TSHZ3: variants seen among roughly 807,000 people sequenced by gnomAD.
TSHZ3 encodes teashirt homolog 3.
A neutral mutation model predicts 64.5 loss-of-function variants in TSHZ3; 10 were observed. The ratio of observed to expected loss-of-function variants is 0.16; its 90% CI spans 0.10 to 0.26. The LOEUF is 0.26. Ranked by LOEUF, TSHZ3 falls within the 10% of genes least tolerant of loss-of-function variation. The pLI is 1.00. For missense variants in TSHZ3, 1,242 were observed against 1,421.7 expected, an observed-to-expected ratio of 0.87 and a Z score of 2.03; for synonymous variants, 608 against 593.1, an observed-to-expected ratio of 1.03 and a Z score of -0.36.
At chr19:31,243,183 T>C (rs1252789434) in intron 1 of TSHZ3, among the ~76,000 whole-genome samples, 1 of 152,238 alleles carries the variant, frequency 6.6e-6, no homozygotes, top group East Asian at 1.9e-4. Context: ...CTATAACTAC[T>C]GACTGTTTAT....
At chr19:31,281,370 C>T (rs1464486709) in intron 1 of TSHZ3, among the ~76,000 whole-genome samples, 1 of 152,126 alleles carries the variant, frequency 6.6e-6, no homozygotes. Context: ...ATTCCTAAGC[C>T]AAGACACATG....
At chr19:31,240,259 T>A (rs1027526680) in intron 3 of TSHZ3, among the ~76,000 whole-genome samples, 3 of 152,176 alleles carry the variant, frequency 2.0e-5, no homozygotes, top group Non-Finnish European at 4.4e-5. Flanking sequence ...AGCATTTGTT[T>A]ATGTAGTTAT....
At position 31,283,787 on chromosome 19, in the gene TSHZ3, G is replaced by A. The variant is rs114725880; in HGVS notation, c.41-4035C>T. Among the ~76,000 whole-genome samples, 1,344 of 152,302 alleles carry A rather than the reference G, an allele frequency of 8.8e-3. 22 individuals carry two copies. The highest frequency in any genetic ancestry group is 0.031 in the African/African-American group (1,281 of 41,566). ...TCCTCTGTGCTTTCTTCTCTAGACT[G>A]AGCTTGACACGCAAAGCCCCTGGCT... is the stretch of plus-strand genomic sequence containing the variant. On this transcript the variant is annotated intron_variant, in intron 1 of 1. Transcript: ENST00000240587.
At chr19:31,250,492 GC>G (rs1975822944) in intron 1 of TSHZ3, among the ~76,000 whole-genome samples, 1 of 152,132 alleles carries the variant, frequency 6.6e-6, no homozygotes, top group East Asian at 1.9e-4. Flanking sequence ...ATTATTGCTG[GC>G]ATACCAGTAC....
At chr19:31,260,555 T>C (rs1975971598) in intron 1 of TSHZ3, among the ~76,000 whole-genome samples, 1 of 152,218 alleles carries the variant, frequency 6.6e-6, no homozygotes, top group South Asian at 2.1e-4. Context: ...GGGCAGCAGC[T>C]TTTTAAAACA....
intron 6 of TSHZ3, among the ~76,000 whole-genome samples, chr19:31,154,841 G>T (rs1264055286): frequency 2.8e-5 from 4 of 142,658 alleles, no homozygotes; most frequent in Non-Finnish European, 6.3e-5. Flanking sequence ...TTGAAGGCAG[G>T]GTTTTGTGGG....
chr19:31,294,282 A>G (rs1976625665), intron 1 of TSHZ3, among the ~76,000 whole-genome samples: 1 of 152,054 alleles, frequency 6.6e-6, no homozygotes, highest in South Asian at 2.1e-4. Flanking sequence ...CACTCAGCGA[A>G]TTCTCATCCA....
chr19:31,218,798 A>T (rs1975364408), intron 4 of TSHZ3, among the ~76,000 whole-genome samples: 1 of 152,232 alleles, frequency 6.6e-6, no homozygotes, highest in Non-Finnish European at 1.5e-5. Context: ...GGGGGAAGCC[A>T]GTGTAAAAGG....
At position 31,195,143 on chromosome 19, in the gene TSHZ3, GA is replaced by G. The variant is rs1392747922; in HGVS notation, n.809+9812del. On this transcript the variant is annotated intron_variant and non_coding_transcript_variant, in intron 5 of 6. Transcript: ENST00000651361. ...CATACACATATGGGAATACCAGACA[GA>G]GAAAAGAGGAGAAAGGTACAGAAGA... Among the ~76,000 whole-genome samples the G allele has an allele frequency of 1.6e-4, 24 of 152,194 alleles. No individual in the cohort carries two copies. The South Asian group carries it at 3.5e-3, about 22-fold the overall frequency.
At chr19:31,173,983 A>G (rs1974572587) in intron 5 of TSHZ3, among the ~76,000 whole-genome samples, 1 of 152,194 alleles carries the variant, frequency 6.6e-6, no homozygotes, top group South Asian at 2.1e-4. Flanking sequence ...CAGGAGAATC[A>G]CTTGAACCCA....
intron 1 of TSHZ3, among the ~76,000 whole-genome samples, chr19:31,337,017 T>A (rs1213675352): frequency 1.6e-4 from 24 of 146,898 alleles, no homozygotes; most frequent in African/African-American, 5.4e-4. Flanking sequence ...TTTTCTATTT[T>A]TTTTTTTTTT....
chr19:31,181,414 G>A (rs926514218), intron 5 of TSHZ3, among the ~76,000 whole-genome samples: 1 of 152,136 alleles, frequency 6.6e-6, no homozygotes, highest in Admixed American at 6.5e-5. Flanking sequence ...TGTACCATCT[G>A]AGCAGAGAGA....
chr19:31,178,553 C>A (rs139109938), intron 5 of TSHZ3, among the ~76,000 whole-genome samples: 1 of 152,174 alleles, frequency 6.6e-6, no homozygotes, highest in Non-Finnish European at 1.5e-5. Flanking sequence ...GTGGCACATG[C>A]CTCTAATCCC....
At chr19:31,163,191 T>G (rs1443303187) in intron 5 of TSHZ3, among the ~76,000 whole-genome samples, 1 of 152,142 alleles carries the variant, frequency 6.6e-6, no homozygotes, top group Admixed American at 6.5e-5. Flanking sequence ...TTCATCAGTC[T>G]GAAATATGGG....
chr19:31,227,265 C>T (rs1975480082), intron 4 of TSHZ3, among the ~76,000 whole-genome samples: 1 of 152,024 alleles, frequency 6.6e-6, no homozygotes, highest in African/African-American at 2.4e-5. Flanking sequence ...CAGGAATGAG[C>T]CACCACGCCT....
chr19:31,302,601 A>G (rs757022554), intron 1 of TSHZ3, among the ~76,000 whole-genome samples: 2 of 151,982 alleles, frequency 1.3e-5, no homozygotes, highest in Non-Finnish European at 2.9e-5. Context: ...TCCTCAACTG[A>G]CCTTTATAAG....
At chr19:31,249,325 C>T (rs1486409456) in intron 1 of TSHZ3, among the ~76,000 whole-genome samples, 1 of 152,206 alleles carries the variant, frequency 6.6e-6, no homozygotes, top group Non-Finnish European at 1.5e-5. Context: ...AACGCATGTG[C>T]CTTTCCAGCG....
chr19:31,253,422 G>C (rs1255407220), intron 1 of TSHZ3, among the ~76,000 whole-genome samples: 3 of 152,146 alleles, frequency 2.0e-5, no homozygotes, highest in Admixed American at 1.3e-4. Context: ...ATGGCTGAAC[G>C]CCCAAAGTTG....
At chr19:31,212,303 C>G (rs934452677) in intron 4 of TSHZ3, among the ~76,000 whole-genome samples, 1 of 151,792 alleles carries the variant, frequency 6.6e-6, no homozygotes, top group African/African-American at 2.4e-5. Flanking sequence ...TGAAAAGATG[C>G]AAAAATTAGC....
Sources: gnomAD v4.1 joint callset for allele counts (sites outside exome capture counted in the v4.1 genomes callset) on GRCh38, gnomAD v4.1.1 for gene constraint, MANE v1.5 for transcripts, NCBI Gene and HGNC (gene_info 2026-07-23, HGNC 2026-07-21) for gene names.